XPO5: variants seen among roughly 807,000 people sequenced by gnomAD.
XPO5 encodes the protein exportin 5.
XPO5 carries 46 observed loss-of-function variants against 160.6 expected under a neutral mutation model. The ratio of observed to expected loss-of-function variants is 0.29; its 90% CI spans 0.23 to 0.37. The LOEUF (loss-of-function observed/expected upper bound fraction) is 0.37, where lower values mean the gene tolerates loss of function less well. Ranked by LOEUF, XPO5 falls within the 10% of genes least tolerant of loss-of-function variation. XPO5 has a pLI of 1.00. For synonymous variants in XPO5, 537 were observed against 519.3 expected (o/e 1.03, Z -0.46); for missense variants, 1,090 against 1,463.9 (o/e 0.74, Z 4.17).
intron 1 of XPO5, among the ~76,000 whole-genome samples, chr6:43,575,086 C>T (rs1263610367): frequency 6.6e-6 from 1 of 152,174 alleles, no homozygotes. Context: ...GCAGAGCATT[C>T]GGGTCTCACG....
intron 6 of XPO5, among the ~76,000 whole-genome samples, chr6:43,567,572 T>G (rs1333284748): frequency 6.6e-6 from 1 of 152,090 alleles, no homozygotes; most frequent in Non-Finnish European, 1.5e-5. Context: ...CATTTTATCT[T>G]TTTCACAAAA....
At chr6:43,527,304 A>T in intron 26 of XPO5, 1 of 217,096 alleles carries the variant, frequency 4.6e-6, no homozygotes, top group Non-Finnish European at 9.3e-6. Context: ...ACGGAGTTTC[A>T]CTCTTTTGCC....
At chr6:43,552,850 G>A (rs1795314993) in intron 14 of XPO5, among the ~76,000 whole-genome samples, 1 of 152,186 alleles carries the variant, frequency 6.6e-6, no homozygotes, top group South Asian at 2.1e-4. Flanking sequence ...CTAAAGCAGT[G>A]TGGTACTTAA....
intron 25 of XPO5, 64 bp from the exon 26 acceptor site, chr6:43,527,795 G>A (rs1305529402): frequency 5.8e-6 from 9 of 1,561,522 alleles, no homozygotes; most frequent in Admixed American, 5.1e-5. Flanking sequence ...GGAAAGCAGC[G>A]ACCCTAATCA....
intron 1 of XPO5, among the ~76,000 whole-genome samples, chr6:43,573,824 T>TATATA (rs1491294581): frequency 2.2e-4 from 23 of 103,402 alleles, no homozygotes; most frequent in African/African-American, 7.8e-4. Flanking sequence ...TATATATATA[T>TATATA]TTTTTTTTTT....
At chr6:43,553,717 G>T in intron 13 of XPO5, 1 of 992,962 alleles carries the variant, frequency 1.0e-6, no homozygotes, top group Non-Finnish European at 1.3e-6. Context: ...TTCCTACCAT[G>T]CCTCCTCCTC....
At chr6:43,568,205 G>A (rs2127753030) in intron 6 of XPO5, among the ~76,000 whole-genome samples, 1 of 152,086 alleles carries the variant, frequency 6.6e-6, no homozygotes, top group African/African-American at 2.4e-5. Flanking sequence ...CTACTCGGGA[G>A]GCCAGGCAGG....
At chr6:43,569,211 G>A (rs976771729) in intron 5 of XPO5, among the ~76,000 whole-genome samples, 4 of 150,300 alleles carry the variant, frequency 2.7e-5, no homozygotes, top group African/African-American at 4.9e-5. Flanking sequence ...AGAATCACTC[G>A]AACCCGGGAG....
chr6:43,526,324 G>A (rs904903121), intron 27 of XPO5: 3 of 377,354 alleles, frequency 8.0e-6, no homozygotes, highest in African/African-American at 6.0e-5. Flanking sequence ...AAAACATAAT[G>A]TTGGGTAGTG....
At chr6:43,535,148 C>T (rs1187390972) in intron 20 of XPO5, among the ~76,000 whole-genome samples, 2 of 150,684 alleles carry the variant, frequency 1.3e-5, no homozygotes, top group South Asian at 2.1e-4. Context: ...AAAAATTAGC[C>T]GGACGTGGTG....
Position 43,524,651 on chromosome 6 carries a change from A to G in XPO5, c.3313-16T>C, listed in dbSNP as rs1168421143. The G allele has an allele frequency of 6.2e-7, 1 of 1,611,768 alleles. No homozygotes were observed. The highest frequency in any genetic ancestry group is 1.3e-5 in the African/African-American group (1 of 74,950). ...ACCTGGGGCGCTGATATCAGCAGGG[A>G]TAAACTTACTGGATGTAGGTTTGGA... On this transcript the variant is annotated splice_polypyrimidine_tract_variant and intron_variant, in intron 30 of 31. Coordinates refer to ENST00000265351, the MANE Select transcript of XPO5 (RefSeq NM_020750.3).
chr6:43,545,354 T>C (rs1794911455), intron 20 of XPO5, among the ~76,000 whole-genome samples: 1 of 152,180 alleles, frequency 6.6e-6, no homozygotes, highest in African/African-American at 2.4e-5. Flanking sequence ...AGACTGCTTT[T>C]ACTCCTTGGA....
chr6:43,531,970 T>C (rs1417426858), intron 21 of XPO5, among the ~76,000 whole-genome samples: 1 of 152,192 alleles, frequency 6.6e-6, no homozygotes, highest in East Asian at 1.9e-4. Context: ...CCACTTACCT[T>C]AGTATTAAAA....
At chr6:43,526,030 G>C in intron 27 of XPO5, 109 bp from the exon 28 acceptor site, 1 of 1,278,936 alleles carries the variant, frequency 7.8e-7, no homozygotes, top group Admixed American at 2.0e-5. Flanking sequence ...TCTAGGCTAA[G>C]TGGTGGCTAA....
chr6:43,524,721 T>C, intron 30 of XPO5, 86 bp from the exon 31 acceptor site: 3 of 1,586,512 alleles, frequency 1.9e-6, no homozygotes, highest in South Asian at 1.2e-5. Context: ...TTCTCAGAGA[T>C]TGCACCAGCA....
chr6:43,569,281 A>T (rs1486257521), intron 5 of XPO5, among the ~76,000 whole-genome samples: 1 of 151,092 alleles, frequency 6.6e-6, no homozygotes, highest in East Asian at 1.9e-4. Context: ...AACAAAAGTG[A>T]AACTCCGTCT....
chr6:43,575,154 G>A (rs532847043), intron 1 of XPO5, among the ~76,000 whole-genome samples: 4 of 152,332 alleles, frequency 2.6e-5, no homozygotes, highest in South Asian at 2.1e-4. Flanking sequence ...AGTGGTAGAA[G>A]TTATCTTTGC....
chr6:43,560,809 C>T (rs1762378210), intron 10 of XPO5, 115 bp downstream of exon 10: 1 of 885,824 alleles, frequency 1.1e-6, no homozygotes, highest in Admixed American at 2.0e-5. Flanking sequence ...ACGGTCATTC[C>T]CCAAGGCCTG....
In XPO5 at chr6:43,570,889, G is replaced by A. The variant is rs760962791; in HGVS notation, c.406C>T (p.Leu136=). ...TTGGAAAGAGTGTCCAATTCTATTA[G>A]CATGTCAGGCCAATGCTGTGGCCAC... is the stretch of plus-strand genomic sequence containing the variant. ...REWPQHWPDM[L]IELDTLSKQG... The change falls in exon 4 of 32, where the codon CTA becomes TTA. Residue 136 remains leucine, a synonymous_variant. Coordinates refer to ENST00000265351, the MANE Select transcript of XPO5 (RefSeq NM_020750.3). The A allele has an allele frequency of 1.9e-6, 3 of 1,612,536 alleles. No individual in the cohort carries two copies. The highest frequency in any genetic ancestry group is 4.5e-5 in the East Asian group (2 of 44,846).
Sources: allele counts gnomAD v4.1 joint callset (sites outside exome capture counted in the v4.1 genomes callset), GRCh38; gene constraint gnomAD v4.1.1; transcripts MANE v1.5; gene names NCBI Gene and HGNC (gene_info 2026-07-23, HGNC 2026-07-21).